NRG1: variants seen among roughly 807,000 people sequenced by gnomAD.
NRG1 encodes neuregulin 1.
In NRG1, 18 loss-of-function variants were observed where a neutral mutation model predicts 63.8. The ratio of observed to expected loss-of-function variants is 0.28; its 90% confidence interval spans 0.19 to 0.42. The LOEUF is 0.42. Ranked by LOEUF, NRG1 falls within the 10% of genes least tolerant of loss-of-function variation. The probability of loss-of-function intolerance (pLI) is 1.00; values close to 1 mark genes in which losing one functional copy is unlikely to be tolerated. For missense variants in NRG1, 762 were observed against 814.7 expected (o/e 0.94, Z 0.79); for synonymous variants, 302 against 301.3 (o/e 1.00, Z -0.02).
At chr8:32,759,112 C>T (rs922844371) in intron 9 of NRG1, among the ~76,000 whole-genome samples, 194 bp from the exon 10 acceptor site, 1 of 151,880 alleles carries the variant, frequency 6.6e-6, no homozygotes, top group African/African-American at 2.4e-5. Flanking sequence ...TTCATCTAAT[C>T]TAAAAGCCAC....
chr8:32,027,306 G>T (rs1275080323), intron 1 of NRG1, among the ~76,000 whole-genome samples: 1 of 152,008 alleles, frequency 6.6e-6, no homozygotes. Flanking sequence ...ACATGTATAT[G>T]CTAAAATTTA....
At chr8:32,728,049 C>A (rs1052316840) in exon 6 of NRG1, 2 of 1,613,870 alleles carry the variant, frequency 1.2e-6, no homozygotes, top group African/African-American at 2.7e-5. Flanking sequence ...TGGTGAAAGA[C>A]CTTTCAAACC....
rs535916941 is a variant in NRG1 at position 32,462,185 on chromosome 8, C to G, written c.38-133643C>G. ...AACAAAGAGAAGGTTGGAGGTTTTA[C>G]GAAAAGGAGAAATGTCTTGTCCTGA... On this transcript the variant is annotated intron_variant, in intron 1 of 10. Transcript: ENST00000519301. Among the ~76,000 whole-genome samples, 3 of 152,222 alleles carry G rather than the reference C, an allele frequency of 2.0e-5. 1 individual carries two copies. The highest frequency in any genetic ancestry group is 4.1e-4 in the South Asian group (2 of 4,822).
At chr8:32,522,595 C>T (rs1830440939) in intron 1 of NRG1, among the ~76,000 whole-genome samples, 1 of 152,178 alleles carries the variant, frequency 6.6e-6, no homozygotes, top group Admixed American at 6.5e-5. Context: ...AACTTCCCTT[C>T]CTGCTATTCA....
chr8:32,269,153 T>C (rs1851293409), intron 1 of NRG1, among the ~76,000 whole-genome samples: 1 of 152,090 alleles, frequency 6.6e-6, no homozygotes, highest in Non-Finnish European at 1.5e-5. Flanking sequence ...ATTAGAATAG[T>C]ATCAAAGACA....
At chr8:31,833,892 C>T (rs1194400180) in intron 1 of NRG1, among the ~76,000 whole-genome samples, 2 of 152,122 alleles carry the variant, frequency 1.3e-5, no homozygotes, top group African/African-American at 4.8e-5. Flanking sequence ...TTCAAGGGAA[C>T]GAGTTTCCCA....
chr8:31,769,520 T>C (rs888419306), intron 1 of NRG1, among the ~76,000 whole-genome samples: 2 of 152,092 alleles, frequency 1.3e-5, no homozygotes, highest in Non-Finnish European at 2.9e-5. Flanking sequence ...GAGGGTGGCG[T>C]TAGGCAGAAT....
intron 5 of NRG1, among the ~76,000 whole-genome samples, chr8:32,674,699 A>G (rs1369320100): frequency 1.3e-5 from 2 of 152,244 alleles, no homozygotes; most frequent in African/African-American, 2.4e-5. Context: ...GACACTTTAC[A>G]TCTATAGTAG....
intron 1 of NRG1, among the ~76,000 whole-genome samples, chr8:31,682,221 T>C (rs570444576): frequency 1.3e-5 from 2 of 152,236 alleles, no homozygotes; most frequent in African/African-American, 4.8e-5. Flanking sequence ...AAACTTGTCA[T>C]ATTGGCTTCT....
chr8:32,110,507 C>A (rs976400845), intron 1 of NRG1, among the ~76,000 whole-genome samples: 1 of 152,160 alleles, frequency 6.6e-6, no homozygotes, highest in African/African-American at 2.4e-5. Flanking sequence ...TAAGAGAGAT[C>A]TTTGCTCTTT....
At chr8:32,054,822 C>T (rs1822576770) in intron 1 of NRG1, among the ~76,000 whole-genome samples, 1 of 139,992 alleles carries the variant, frequency 7.1e-6, no homozygotes, top group Admixed American at 7.3e-5. Context: ...TTTACTGCCT[C>T]AAAAGCAAGC....
chr8:32,083,395 G>A lies in NRG1; in HGVS notation c.37+443964G>A, dbSNP rs114930211. On this transcript the variant is annotated intron_variant, in intron 1 of 10. Transcript: ENST00000519301. Reference sequence around the variant, plus strand: ...TTTAAAGGCCAAAGAGTTAGAGATTGTGTATATGGGTATGTGTGTTGCAGG... The same window carrying A: ...TTTAAAGGCCAAAGAGTTAGAGATTATGTATATGGGTATGTGTGTTGCAGG... Among the ~76,000 whole-genome samples, 464 of 152,316 alleles carry A rather than the reference G, an allele frequency of 3.0e-3. 1 individual carries two copies. The highest frequency in any genetic ancestry group is 0.011 in the African/African-American group (444 of 41,572).
chr8:32,312,330 ATTTTTT>A (rs4035492), intron 1 of NRG1, among the ~76,000 whole-genome samples: 53 of 89,164 alleles, frequency 5.9e-4, no homozygotes, highest in South Asian at 1.5e-3. Flanking sequence ...TGCCCAGCTA[ATTTTTT>A]TTTTTTTTTT....
intron 1 of NRG1, among the ~76,000 whole-genome samples, chr8:32,322,356 T>C (rs1412801771): frequency 1.1e-5 from 1 of 88,160 alleles, no homozygotes; most frequent in Non-Finnish European, 2.5e-5. Context: ...AACCTTATTT[T>C]ATATATATAT....
At chr8:32,567,188 T>G (rs1463304041) in intron 1 of NRG1, among the ~76,000 whole-genome samples, 2 of 152,170 alleles carry the variant, frequency 1.3e-5, no homozygotes, top group East Asian at 3.8e-4. Context: ...CTTCAGAATC[T>G]AAGGAAGTTT....
chr8:32,403,265 A>T (rs553508808), intron 1 of NRG1, among the ~76,000 whole-genome samples: 2 of 140,282 alleles, frequency 1.4e-5, no homozygotes, highest in African/African-American at 5.4e-5. Context: ...ATGCCACTGC[A>T]CTCCAGCCTG....
At chr8:32,337,526 G>A (rs886980576) in intron 1 of NRG1, among the ~76,000 whole-genome samples, 5 of 151,644 alleles carry the variant, frequency 3.3e-5, no homozygotes, top group African/African-American at 1.2e-4. Flanking sequence ...GCCTTTGAAT[G>A]GGGACCACAT....
At chr8:31,844,494 C>T (rs1826487880) in intron 1 of NRG1, among the ~76,000 whole-genome samples, 1 of 152,122 alleles carries the variant, frequency 6.6e-6, no homozygotes, top group East Asian at 1.9e-4. Context: ...GGTGGATTTT[C>T]CTGCTGAAAA....
At chr8:32,693,926 A>T (rs1053540794) in intron 5 of NRG1, among the ~76,000 whole-genome samples, 1 of 152,200 alleles carries the variant, frequency 6.6e-6, no homozygotes, top group Admixed American at 6.5e-5. Flanking sequence ...GAAGCACAGC[A>T]TTTTCCTCTT....
Sources: allele counts gnomAD v4.1 joint callset (sites outside exome capture counted in the v4.1 genomes callset), GRCh38; gene constraint gnomAD v4.1.1; transcripts MANE v1.5; gene names NCBI Gene and HGNC (gene_info 2026-07-23, HGNC 2026-07-21).